The following NRXN3 variants were observed in gnomAD, a reference collection of about 807,000 sequenced individuals.
The protein encoded by NRXN3 is neurexin III.
In NRXN3, 32 loss-of-function variants were observed where a neutral mutation model predicts 137.6. The ratio of observed to expected loss-of-function variants is 0.23; its 90% confidence interval spans 0.18 to 0.31. NRXN3 has a LOEUF of 0.31. Among genes scored for constraint, NRXN3 ranks in the 10% least tolerant of loss-of-function variants. The pLI is 1.00. For synonymous variants in NRXN3, 798 were observed against 784.5 expected (o/e 1.02, Z -0.29); for missense variants, 1,574 against 2,062.5 (o/e 0.76, Z 4.59).
intron 20 of NRXN3, among the ~76,000 whole-genome samples, chr14:79,842,959 C>T (rs1002519374): frequency 6.6e-6 from 1 of 152,030 alleles, no homozygotes; most frequent in Non-Finnish European, 1.5e-5. Flanking sequence ...TTTTTAGATT[C>T]CACATATAAA....
intron 4 of NRXN3, among the ~76,000 whole-genome samples, chr14:78,513,530 C>T (rs570002190): frequency 2.9e-4 from 44 of 152,070 alleles, no homozygotes; most frequent in Non-Finnish European, 5.3e-4. Context: ...AATCTCATTT[C>T]GCATGACCAT....
At chr14:78,778,682 CTTTCTTTCTTTCTT>C (rs2098753422) in intron 8 of NRXN3, among the ~76,000 whole-genome samples, 2 of 72,858 alleles carry the variant, frequency 2.7e-5, no homozygotes, top group South Asian at 1.1e-3. Context: ...CTTTTCTTTT[CTTTCTTTCTTTCTT>C]TCTTTCTTTC....
intron 10 of NRXN3, among the ~76,000 whole-genome samples, chr14:78,928,589 T>TG (rs1381167115): frequency 3.3e-5 from 5 of 152,108 alleles, no homozygotes; most frequent in African/African-American, 1.2e-4. Flanking sequence ...CTCAGAATGA[T>TG]GGTTTCCAGC....
chr14:79,191,437 ATT>A (rs1165683854), intron 15 of NRXN3, among the ~76,000 whole-genome samples: 4 of 152,278 alleles, frequency 2.6e-5, no homozygotes, highest in Non-Finnish European at 5.9e-5. Context: ...TTCCTGCCCA[ATT>A]TTAAAGGTGT....
chr14:79,216,700 G>T (rs554342623), intron 15 of NRXN3, among the ~76,000 whole-genome samples: 1 of 152,248 alleles, frequency 6.6e-6, no homozygotes, highest in South Asian at 2.1e-4. Context: ...GCTCTAAGAT[G>T]ATATATGGCA....
intron 19 of NRXN3, among the ~76,000 whole-genome samples, chr14:79,712,031 G>A (rs182256099): frequency 1.4e-4 from 22 of 152,168 alleles, no homozygotes; most frequent in East Asian, 7.7e-4. Flanking sequence ...ACACGATACC[G>A]GGCCTCAGAC....
intron 15 of NRXN3, among the ~76,000 whole-genome samples, chr14:79,162,551 C>A (rs1017916250): frequency 1.3e-5 from 2 of 151,782 alleles, no homozygotes; most frequent in African/African-American, 4.8e-5. Context: ...CATGAACAGA[C>A]ACTTCTCAAA....
intron 19 of NRXN3, among the ~76,000 whole-genome samples, chr14:79,780,835 TC>T (rs1353359260): frequency 6.6e-6 from 1 of 152,186 alleles, no homozygotes; most frequent in African/African-American, 2.4e-5. Context: ...AGACTTCCAT[TC>T]AGGATCTTGC....
intron 20 of NRXN3, among the ~76,000 whole-genome samples, chr14:79,828,646 A>G (rs12880238): frequency 0.34 from 37,417 of 108,938 alleles, 6,305 homozygotes; most frequent in Admixed American, 0.47. Flanking sequence ...AAAAAGTAAA[A>G]TTGTCTTTTT....
chr14:79,102,472 C>T (rs1261846838), intron 15 of NRXN3, among the ~76,000 whole-genome samples: 2 of 152,146 alleles, frequency 1.3e-5, no homozygotes, highest in Non-Finnish European at 2.9e-5. Flanking sequence ...TAGAATGTCT[C>T]TTAGAACACA....
intron 10 of NRXN3, among the ~76,000 whole-genome samples, chr14:78,926,202 C>T (rs1426829641): frequency 6.6e-6 from 1 of 151,972 alleles, no homozygotes; most frequent in Non-Finnish European, 1.5e-5. Flanking sequence ...CAGCACCAAA[C>T]CCTATATACA....
intron 15 of NRXN3, among the ~76,000 whole-genome samples, chr14:79,329,444 G>T (rs1302338838): frequency 6.6e-6 from 1 of 152,178 alleles, no homozygotes; most frequent in Non-Finnish European, 1.5e-5. Flanking sequence ...ACAGGGTCCT[G>T]TGTGACTCTA....
At chr14:78,217,823 G>C (rs2153420945) in intron 1 of NRXN3, among the ~76,000 whole-genome samples, 1 of 152,198 alleles carries the variant, frequency 6.6e-6, no homozygotes, top group Admixed American at 6.5e-5. Context: ...ACCATGCCTG[G>C]CTAAGTTTTG....
At position 79,704,205 on chromosome 14, in the gene NRXN3, A is replaced by ATATT. The variant is rs573231337; in HGVS notation, c.4014+6269_4014+6272dup. Among the ~76,000 whole-genome samples the ATATT allele has an allele frequency of 8.8e-3, 1,335 of 152,304 alleles. 18 individuals are homozygous for ATATT. The highest frequency in any genetic ancestry group is 0.024 in the Middle Eastern group (7 of 294). On this transcript the variant is annotated intron_variant, in intron 19 of 20. Transcript: ENST00000335750. ...TATTTTTGTAGATCAAAATGGTTAAATATTAGCAATATCACATGGTTCTAC... is the reference window on the plus strand; with the variant it reads ...TATTTTTGTAGATCAAAATGGTTAAATATTTATTAGCAATATCACATGGTTCTAC...
rs190120988 is a variant in NRXN3, at chr14:79,167,501, A to C, written c.3262+179360A>C. 5.5e-3 allele frequency among the ~76,000 whole-genome samples: 840 copies of C among 152,154 alleles called. 10 individuals carry two copies. Among genetic ancestry groups the C allele is most frequent in the African/African-American group, 0.019 (781 of 41,536 alleles). ...CCAGCCCACATTAGGGCACTGTTCA[A>C]ATTTCAGATACTCAGGAAGGCCAAT... On this transcript the variant is annotated intron_variant, in intron 15 of 20. Transcript: ENST00000335750.
intron 15 of NRXN3, among the ~76,000 whole-genome samples, chr14:79,110,913 C>A (rs2053389029): frequency 6.6e-6 from 1 of 151,958 alleles, no homozygotes; most frequent in African/African-American, 2.4e-5. Flanking sequence ...GCCTCAGCCT[C>A]CCAAATAGCT....
At chr14:79,456,434 A>T (rs2096257705) in intron 15 of NRXN3, among the ~76,000 whole-genome samples, 1 of 152,210 alleles carries the variant, frequency 6.6e-6, no homozygotes. Flanking sequence ...AGTTGTGTAT[A>T]AGAAAGACCT....
chr14:78,800,184 A>C (rs555433277), intron 8 of NRXN3, among the ~76,000 whole-genome samples: 103 of 152,300 alleles, frequency 6.8e-4, no homozygotes, highest in African/African-American at 1.9e-3. Flanking sequence ...GCATAGCTCT[A>C]TGACAATTTG....
intron 15 of NRXN3, among the ~76,000 whole-genome samples, chr14:79,132,151 C>A (rs547204162): frequency 2.0e-5 from 3 of 152,252 alleles, no homozygotes; most frequent in Non-Finnish European, 4.4e-5. Flanking sequence ...GCGTTGCTCA[C>A]GCTGGGAGCT....
Sources: allele counts gnomAD v4.1 joint callset (sites outside exome capture counted in the v4.1 genomes callset), GRCh38; gene constraint gnomAD v4.1.1; transcripts MANE v1.5; gene names NCBI Gene and HGNC (gene_info 2026-07-23, HGNC 2026-07-21).